The following ITGA8 variants were observed in gnomAD, a reference collection of about 807,000 sequenced individuals.
The protein encoded by ITGA8 is integrin subunit alpha 8.
ITGA8 carries 91 observed loss-of-function variants against 142.3 expected under a neutral mutation model. That is an observed-to-expected ratio of 0.64 (90% CI 0.54 to 0.76). ITGA8 has a LOEUF of 0.76. Ranked by LOEUF, ITGA8 falls within the 30% of genes least tolerant of loss-of-function variation. The probability of loss-of-function intolerance (pLI) is 0.00; values close to 1 mark genes in which losing one functional copy is unlikely to be tolerated. For missense variants in ITGA8, 1,406 were observed against 1,327.7 expected (o/e 1.06, Z -0.92); for synonymous variants, 505 against 485.2 (o/e 1.04, Z -0.54).
intron 11 of ITGA8, among the ~76,000 whole-genome samples, chr10:15,648,617 C>T (rs980337581): frequency 6.6e-6 from 1 of 151,878 alleles, no homozygotes; most frequent in Non-Finnish European, 1.5e-5. Context: ...GTGGCTCATA[C>T]ACATCTTTGA....
intron 11 of ITGA8, among the ~76,000 whole-genome samples, chr10:15,654,271 C>T (rs1272147071): frequency 6.6e-6 from 1 of 152,122 alleles, no homozygotes; most frequent in Admixed American, 6.5e-5. Flanking sequence ...TCGTTGTCTC[C>T]ACAGTACTTA....
chr10:15,609,368 G>T (rs1031454027), intron 15 of ITGA8, among the ~76,000 whole-genome samples: 1 of 152,166 alleles, frequency 6.6e-6, no homozygotes, highest in South Asian at 2.1e-4. Context: ...TATTTCTACA[G>T]AATTCAAAGG....
intron 2 of ITGA8, among the ~76,000 whole-genome samples, chr10:15,709,412 A>G (rs368619868): frequency 6.6e-6 from 1 of 152,360 alleles, no homozygotes; most frequent in Admixed American, 6.5e-5. Context: ...GGCGCACCCC[A>G]GAAGAAATGC....
chr10:15,561,513 G>T (rs1833980988), intron 25 of ITGA8, among the ~76,000 whole-genome samples: 1 of 152,064 alleles, frequency 6.6e-6, no homozygotes, highest in South Asian at 2.1e-4. Context: ...ATAAATGGAA[G>T]GGGAAAGAGG....
chr10:15,516,914 G>T lies in ITGA8; in HGVS notation c.*244C>A, dbSNP rs1315579117. ...CAAGTACAGAACGATTAAAGCAAAAGAAAATCTTCCACAATTGCTGATGGC... is the reference window on the plus strand; with the variant it reads ...CAAGTACAGAACGATTAAAGCAAAATAAAATCTTCCACAATTGCTGATGGC... On this transcript the variant is annotated 3_prime_UTR_variant, in exon 30 of 30. Coordinates refer to ENST00000378076, the MANE Select transcript of ITGA8 (RefSeq NM_003638.3). The T allele has an allele frequency of 2.1e-5, 8 of 383,668 alleles. No individual in the cohort carries two copies. The East Asian group carries it at 3.3e-4, about 16-fold the overall frequency. The allele number at this position is 383,668 out of a possible 1,614,324, so 23.8% of individuals were successfully genotyped here.
At chr10:15,708,759 T>C (rs1168302670) in intron 2 of ITGA8, among the ~76,000 whole-genome samples, 1 of 152,156 alleles carries the variant, frequency 6.6e-6, no homozygotes, top group Non-Finnish European at 1.5e-5. Flanking sequence ...GCCTACAAAA[T>C]ATGTTAAATA....
intron 21 of ITGA8, among the ~76,000 whole-genome samples, chr10:15,596,077 A>G (rs891703590): frequency 6.6e-6 from 1 of 152,148 alleles, no homozygotes; most frequent in African/African-American, 2.4e-5. Flanking sequence ...AGGCGGTTGG[A>G]TTTTTCTCAA....
chr10:15,709,069 A>G (rs915519980), intron 2 of ITGA8, among the ~76,000 whole-genome samples: 4 of 152,234 alleles, frequency 2.6e-5, no homozygotes, highest in Admixed American at 6.5e-5. Flanking sequence ...GCCCCATCCT[A>G]TGAATCCAAT....
intron 13 of ITGA8, among the ~76,000 whole-genome samples, chr10:15,637,983 C>T (rs1237474502): frequency 6.6e-6 from 1 of 151,954 alleles, no homozygotes; most frequent in East Asian, 1.9e-4. Flanking sequence ...CTACAATAAG[C>T]ACTGTATTTA....
chr10:15,520,135 A>G (rs1487942981), intron 28 of ITGA8, among the ~76,000 whole-genome samples: 2 of 152,246 alleles, frequency 1.3e-5, no homozygotes, highest in East Asian at 3.9e-4. Context: ...AGATCAGGCC[A>G]GAGCGGTGGC....
At position 15,660,860 on chromosome 10, in the gene ITGA8, A is replaced by C; in HGVS notation, c.891+19T>G. ...TACAAGAAAATACCCTATTCCTGTA[A>C]TGCATTCTCAGTACTCACATATCCA... On this transcript the variant is annotated intron_variant, in intron 9 of 29. Coordinates refer to ENST00000378076, the MANE Select transcript of ITGA8 (RefSeq NM_003638.3). The C allele has an allele frequency of 6.2e-7, 1 of 1,600,440 alleles. No individual in the cohort carries two copies. The highest frequency in any genetic ancestry group is 8.6e-7 in the Non-Finnish European group (1 of 1,167,824).
intron 19 of ITGA8, among the ~76,000 whole-genome samples, chr10:15,605,325 G>A (rs984845345): frequency 6.6e-6 from 1 of 152,264 alleles, no homozygotes; most frequent in Non-Finnish European, 1.5e-5. Flanking sequence ...TGTTTTGACA[G>A]TTTTAAGGAT....
chr10:15,658,950 A>G, intron 10 of ITGA8, 49 bp downstream of exon 10: 2 of 1,179,742 alleles, frequency 1.7e-6, no homozygotes, highest in African/African-American at 1.5e-5. Context: ...ATTATAGTCT[A>G]CTGGTAACCC....
intron 8 of ITGA8, among the ~76,000 whole-genome samples, chr10:15,671,231 G>A (rs1834510566): frequency 6.6e-6 from 1 of 152,092 alleles, no homozygotes; most frequent in Admixed American, 6.5e-5. Context: ...GGAGTTCGTT[G>A]GGGAGAGTAA....
chr10:15,670,008 C>CA (rs1228568001), intron 8 of ITGA8, among the ~76,000 whole-genome samples: 1 of 152,112 alleles, frequency 6.6e-6, no homozygotes, highest in African/African-American at 2.4e-5. Flanking sequence ...TCTCAAGCTG[C>CA]GTGCTGGGAG....
chr10:15,683,688 G>T (rs1347564941), intron 4 of ITGA8, among the ~76,000 whole-genome samples: 1 of 152,204 alleles, frequency 6.6e-6, no homozygotes, highest in Non-Finnish European at 1.5e-5. Flanking sequence ...TGGGCAGTCA[G>T]CATTCTTTAG....
intron 2 of ITGA8, among the ~76,000 whole-genome samples, chr10:15,693,493 A>G (rs1199705311): frequency 6.6e-6 from 1 of 152,204 alleles, no homozygotes; most frequent in Non-Finnish European, 1.5e-5. Context: ...TGATGTTTCC[A>G]GATGTTTTTA....
At chr10:15,534,463 A>G (rs1187134291) in intron 27 of ITGA8, among the ~76,000 whole-genome samples, 1 of 152,246 alleles carries the variant, frequency 6.6e-6, no homozygotes, top group Non-Finnish European at 1.5e-5. Context: ...CAATGTGCAC[A>G]GGAGAGCTTG....
chr10:15,526,002 T>A (rs1291108600), intron 28 of ITGA8, among the ~76,000 whole-genome samples: 1 of 152,186 alleles, frequency 6.6e-6, no homozygotes, highest in Non-Finnish European at 1.5e-5. Flanking sequence ...AAAAATACTA[T>A]CTACTGCTTC....
Sources: allele counts gnomAD v4.1 joint callset (sites outside exome capture counted in the v4.1 genomes callset), GRCh38; gene constraint gnomAD v4.1.1; transcripts MANE v1.5; gene names NCBI Gene and HGNC (gene_info 2026-07-23, HGNC 2026-07-21).